FAH: variants seen among roughly 807,000 people sequenced by gnomAD.
FAH encodes fumarylacetoacetate hydrolase, also known as fumarylacetoacetase.
A neutral mutation model predicts 55.8 loss-of-function variants in FAH; 47 were observed. That is an observed-to-expected ratio of 0.84 (90% CI 0.67 to 1.07). The LOEUF (loss-of-function observed/expected upper bound fraction) is 1.07. FAH is among the 50% of genes least tolerant of loss of function. The pLI is 0.00. For synonymous variants in FAH, 199 were observed against 207.7 expected, an observed-to-expected ratio of 0.96 and a Z score of 0.36; for missense variants, 495 against 545.9, an observed-to-expected ratio of 0.91 and a Z score of 0.93.
Position 80,175,077 on chromosome 15 carries a change from C to G in FAH, c.899C>G (p.Ser300Cys). The G allele has an allele frequency of 6.2e-7, 1 of 1,614,120 alleles. No homozygotes were observed. The highest frequency in any genetic ancestry group is 8.5e-7 in the Non-Finnish European group (1 of 1,179,946). The change falls in exon 10 of 14, where the codon TCT becomes TGT. Residue 300 changes from serine to cysteine, a missense_variant. Ser to Cys is a moderately radical substitution (Grantham distance 112). Coordinates refer to ENST00000561421, the MANE Select transcript of FAH (RefSeq NM_000137.4). ...CCCTACACATTTGACATCAACCTCTCTGTTAACCTGAAAGGTATGTTGTAG... is the reference window on the plus strand; with the variant it reads ...CCCTACACATTTGACATCAACCTCTGTGTTAACCTGAAAGGTATGTTGTAG... ...DEPYTFDINL[S>C]VNLKGEGMSQ...
chr15:80,184,033 A>G (rs1323256002), intron 13 of FAH, among the ~76,000 whole-genome samples: 1 of 152,244 alleles, frequency 6.6e-6, no homozygotes, highest in Non-Finnish European at 1.5e-5. Context: ...TGAAGTAAAC[A>G]AACCAAAAAT....
chr15:80,185,848 G>C (rs1198861212), intron 13 of FAH, among the ~76,000 whole-genome samples: 1 of 152,206 alleles, frequency 6.6e-6, no homozygotes, highest in African/African-American at 2.4e-5. Context: ...GCGGGGGACA[G>C]AGCCAAACCA....
chr15:80,171,744 G>T (rs2041242523), intron 7 of FAH, among the ~76,000 whole-genome samples: 1 of 152,186 alleles, frequency 6.6e-6, no homozygotes, highest in Non-Finnish European at 1.5e-5. Flanking sequence ...TTATAGACGT[G>T]AGCCACAGTG....
chr15:80,155,814 G>C (rs974379755), intron 1 of FAH: 1 of 447,428 alleles, frequency 2.2e-6, no homozygotes. Context: ...TAAGGTAGCC[G>C]AAGCAGAGAG....
Position 80,181,077 on chromosome 15 carries a change from G to T in FAH, c.1098G>T (p.Ser366=), listed in dbSNP as rs35033541. Residue 366 remains serine, a synonymous_variant, in exon 13 of 14, where the codon TCG becomes TCT. Coordinates refer to ENST00000561421, the MANE Select transcript of FAH (RefSeq NM_000137.4). ...PENFGSMLEL[S]WKGTKPIDLG... is the part of the protein sequence containing the mutation. ...ACTTCGGCTCCATGTTGGAACTGTC[G>T]TGGAAGGGAACGAAGCCCATAGACC... is the stretch of plus-strand genomic sequence containing the variant. The T allele has an allele frequency of 1.2e-6, 2 of 1,613,898 alleles. No individual in the cohort carries two copies. The highest frequency in any genetic ancestry group is 2.2e-5 in the East Asian group (1 of 44,872).
chr15:80,178,778 T>C lies in FAH; in HGVS notation c.960+1195T>C, dbSNP rs559965133. 4.6e-5 allele frequency among the ~76,000 whole-genome samples: 7 copies of C among 151,828 alleles called. No individual in the cohort carries two copies. The South Asian group carries it at 6.2e-4, about 14-fold the overall frequency. ...TTTTTTTTTGTATTTTTAGTGGAGA[T>C]GGGGTTTCACCATGTTAGCCAGGAT... is the stretch of plus-strand genomic sequence containing the variant. On this transcript the variant is annotated intron_variant, in intron 11 of 13. Transcript: ENST00000561421.
chr15:80,179,349 C>T (rs568513133), intron 11 of FAH, among the ~76,000 whole-genome samples: 1 of 152,336 alleles, frequency 6.6e-6, no homozygotes, highest in South Asian at 2.1e-4. Context: ...TCCCTAATTT[C>T]CCTTCTAATT....
chr15:80,162,392 CA>C, intron 5 of FAH, 56 bp downstream of exon 5: 1 of 1,487,810 alleles, frequency 6.7e-7, no homozygotes, highest in Non-Finnish European at 9.4e-7. Context: ...TCATTTCCAG[CA>C]GCATATTTGT....
rs201938494 is a variant in FAH at position 80,180,240 on chromosome 15, G to C, written c.1062+15G>C. On this transcript the variant is annotated intron_variant, in intron 12 of 13. Transcript: ENST00000561421. ...TCAGCGGGCCGGTGAGTATCTGGCT[G>C]CACTGAGGGCTGCCCACGCAGAGCA... 17 of 1,591,404 alleles carry C rather than the reference G, an allele frequency of 1.1e-5. No individual in the cohort carries two copies. In the East Asian group the frequency reaches 3.8e-4, roughly 36 times the overall value.
intron 10 of FAH, among the ~76,000 whole-genome samples, chr15:80,175,655 C>T (rs2041277081): frequency 6.6e-6 from 1 of 152,218 alleles, no homozygotes; most frequent in Non-Finnish European, 1.5e-5. Flanking sequence ...GCTCAGCCCG[C>T]CTCCGCGAAC....
chr15:80,173,091 T>G lies in FAH; in HGVS notation c.784T>G (p.Trp262Gly). 1.9e-6 allele frequency: 3 copies of G among 1,614,236 alleles called. No homozygotes were observed. The highest frequency in any genetic ancestry group is 2.5e-6 in the Non-Finnish European group (3 of 1,180,032). Residue 262 changes from tryptophan (W) to glycine (G), a missense_variant, in exon 9 of 14, where the codon TGG becomes GGG. By Grantham distance (184) the Trp-to-Gly change is radical. Coordinates refer to ENST00000561421, the MANE Select transcript of FAH (RefSeq NM_000137.4). ...GAGTTTTGGGACCACTGTCTCTCCG[T>G]GGGTGGTGCCCATGGATGCTCTCAT... is the stretch of plus-strand genomic sequence containing the variant. Reference protein sequence around the residue: ...GKSFGTTVSPWVVPMDALMPF... With the variant: ...GKSFGTTVSPGVVPMDALMPF...
intron 10 of FAH, among the ~76,000 whole-genome samples, chr15:80,176,320 C>G (rs1161257344): frequency 4.6e-5 from 7 of 152,166 alleles, no homozygotes; most frequent in African/African-American, 1.7e-4. Context: ...CCGGCCAGCT[C>G]CATTTCTTTC....
At position 80,180,273 on chromosome 15, in the gene FAH, T is replaced by C. The variant is rs566739014; in HGVS notation, c.1062+48T>C. 8.1e-6 allele frequency: 12 copies of C among 1,474,012 alleles called. 1 individual carries two copies. The highest frequency in any genetic ancestry group is 3.6e-4 in the Middle Eastern group (2 of 5,578). The allele number at this position is 1,474,012 out of a possible 1,614,324, so 91.3% of individuals were successfully genotyped here. ...GGCTGCCCACGCAGAGCATCCCTGC[T>C]CCCCACACAGCCCCAAGGGCCCTCA... On this transcript the variant is annotated intron_variant, in intron 12 of 13. Coordinates refer to ENST00000561421, the MANE Select transcript of FAH (RefSeq NM_000137.4).
chr15:80,167,814 G>A (rs982188715), intron 5 of FAH, among the ~76,000 whole-genome samples: 17 of 152,058 alleles, frequency 1.1e-4, no homozygotes, highest in African/African-American at 3.4e-4. Flanking sequence ...TTACAGGCGC[G>A]AGCCACTGCA....
At chr15:80,157,960 G>T in intron 1 of FAH, 100 bp from the exon 2 acceptor site, 1 of 855,960 alleles carries the variant, frequency 1.2e-6, no homozygotes, top group Non-Finnish European at 2.0e-6. Flanking sequence ...GCCACCTAAA[G>T]GGGGACCTGT....
intron 13 of FAH, among the ~76,000 whole-genome samples, chr15:80,183,623 C>T (rs1376562696): frequency 3.9e-5 from 6 of 152,320 alleles, no homozygotes; most frequent in Non-Finnish European, 7.3e-5. Context: ...CTCTCATTTC[C>T]CTGCTTGCTC....
intron 9 of FAH, among the ~76,000 whole-genome samples, chr15:80,174,494 C>T (rs573428771): frequency 6.6e-6 from 1 of 152,190 alleles, no homozygotes; most frequent in Non-Finnish European, 1.5e-5. Context: ...TCTCATGTCC[C>T]GTGGGTGACT....
chr15:80,174,312 C>T (rs1595895176), intron 9 of FAH, among the ~76,000 whole-genome samples: 1 of 152,334 alleles, frequency 6.6e-6, no homozygotes, highest in South Asian at 2.1e-4. Context: ...CAGCCCTTCC[C>T]CAACACCATT....
intron 7 of FAH, among the ~76,000 whole-genome samples, chr15:80,169,914 G>A (rs183783200): frequency 1.3e-5 from 2 of 152,320 alleles, no homozygotes; most frequent in East Asian, 1.9e-4. Flanking sequence ...ATAGTACAGA[G>A]ATCCCAATAC....
Sources: gnomAD v4.1 joint callset for allele counts (sites outside exome capture counted in the v4.1 genomes callset) on GRCh38, gnomAD v4.1.1 for gene constraint, MANE v1.5 for transcripts, NCBI Gene and HGNC (gene_info 2026-07-23, HGNC 2026-07-21) for gene names.